The following DNAH12 variants were observed in gnomAD, a reference collection of about 807,000 sequenced individuals.
The protein encoded by DNAH12 is axonemal beta dynein heavy chain 12.
In DNAH12, 285 loss-of-function variants were observed where a neutral mutation model predicts 371.5. The observed-to-expected ratio is 0.77, with a 90% CI of 0.70 to 0.85. The LOEUF is 0.85. Ranked by LOEUF, DNAH12 falls within the 40% of genes least tolerant of loss-of-function variation. DNAH12 has a pLI of 0.00. For synonymous variants in DNAH12, 1,200 were observed against 1,213.0 expected (o/e 0.99, Z 0.22); for missense variants, 3,611 against 3,689.4 (o/e 0.98, Z 0.55).
Position 57,363,752 on chromosome 3 carries a change from G to A in DNAH12, c.9202C>T (p.Leu3068Phe), listed in dbSNP as rs2062988573. 6.6e-6 allele frequency: 1 copy of A among 152,088 alleles called. No homozygotes were observed. The highest frequency in any genetic ancestry group is 1.5e-5 in the Non-Finnish European group (1 of 67,992). 9.4% of individuals were successfully genotyped at this position (152,088 alleles called of 1,614,324 possible). ...TGTTTCTTGTTAGCTGCAGACTGAA[G>A]AATCAGGGCATTTCGTTCCTCTTCT... ...ELEEERNALI[L>F]QSAANKKQLK... The change falls in exon 58 of 74, where the codon CTT becomes TTT. Residue 3068 changes from leucine (L) to phenylalanine (F), a missense_variant. Leu to Phe is a conservative substitution (Grantham distance 22). This residue lies in a region of DNAH12 where 2,266 missense variants were observed against 2,236.9 expected (regional missense o/e 1.01). Transcript: ENST00000495027.
At chr3:57,333,795 A>G (rs2062162720) in intron 62 of DNAH12, among the ~76,000 whole-genome samples, 1 of 152,234 alleles carries the variant, frequency 6.6e-6, no homozygotes, top group South Asian at 2.1e-4. Flanking sequence ...CAACAATGTG[A>G]TATTCACAAT....
chr3:57,441,863 C>T (rs1486126947), intron 29 of DNAH12, among the ~76,000 whole-genome samples: 1 of 151,868 alleles, frequency 6.6e-6, no homozygotes, highest in East Asian at 1.9e-4. Flanking sequence ...ATAGCAAATC[C>T]CAGGCAATAA....
chr3:57,488,681 A>C (rs905336851), intron 12 of DNAH12, among the ~76,000 whole-genome samples: 4 of 152,210 alleles, frequency 2.6e-5, no homozygotes, highest in Non-Finnish European at 5.9e-5. Flanking sequence ...TTTATTGAGT[A>C]CCATGTGCCA....
intron 36 of DNAH12, among the ~76,000 whole-genome samples, chr3:57,420,574 C>CT (rs1248141643): frequency 6.6e-6 from 1 of 152,170 alleles, no homozygotes; most frequent in African/African-American, 2.4e-5. Flanking sequence ...CCTTCACCTT[C>CT]TCTAAGCTGG....
rs572992964 is a variant in DNAH12 at position 57,483,413 on chromosome 3, C to T, written c.1613G>A (p.Arg538Gln). The change falls in exon 13 of 74, where the codon CGG (arginine) becomes CAG (glutamine). Residue 538 changes from arginine (R) to glutamine (Q), a missense_variant. Arg to Gln is a conservative substitution (Grantham distance 43). Around this residue, in one of 3 missense-constraint regions of DNAH12, gnomAD observed 1,314 missense variants for 1,398.7 expected, o/e 0.94. Transcript: ENST00000495027. ...MDLISYVEKARTVGIEELILR... is the reference protein window; with the variant it reads ...MDLISYVEKAQTVGIEELILR... ...AATCAACTCTTCGATTCCTACAGTCCGGGCTTTTTCTACATAAGATATCAG... is the reference window on the plus strand; with the variant it reads ...AATCAACTCTTCGATTCCTACAGTCTGGGCTTTTTCTACATAAGATATCAG... The T allele has an allele frequency of 3.5e-5, 55 of 1,550,748 alleles. No individual in the cohort carries two copies. The highest frequency in any genetic ancestry group is 1.9e-4 in the South Asian group (16 of 83,788).
chr3:57,474,849 GC>G (rs1559698413), intron 13 of DNAH12, among the ~76,000 whole-genome samples: 1 of 151,922 alleles, frequency 6.6e-6, no homozygotes, highest in East Asian at 2.0e-4. Context: ...GGTGGCGCGT[GC>G]CTGTAGTCCC....
Position 57,323,064 on chromosome 3 carries a change from G to C in DNAH12, c.10326C>G (p.Thr3442=). 1.3e-6 allele frequency: 2 copies of C among 1,552,376 alleles called. No homozygotes were observed. Among genetic ancestry groups the C allele is most frequent in the Non-Finnish European group, 1.7e-6 (2 of 1,147,136 alleles). The change falls in exon 64 of 74, where the codon ACC becomes ACG. Residue 3442 remains threonine, a synonymous_variant. Transcript: ENST00000495027. ...TAAAGGATGAGTTACAGGTTTCAGA[G>C]GTAAAATCTTCACATATTTTTTCCA... ...PMLEKICEDF[T]SETCNSSFRL...
intron 38 of DNAH12, among the ~76,000 whole-genome samples, chr3:57,414,342 C>T (rs1013141296): frequency 1.3e-5 from 2 of 152,196 alleles, no homozygotes; most frequent in Non-Finnish European, 2.9e-5. Flanking sequence ...ATATTTTCCT[C>T]ACTGGATAAC....
chr3:57,490,708 G>C (rs2067086945), intron 11 of DNAH12, among the ~76,000 whole-genome samples: 1 of 151,832 alleles, frequency 6.6e-6, no homozygotes, highest in Non-Finnish European at 1.5e-5. Flanking sequence ...GGTGAATTGG[G>C]TTTAAATTTT....
chr3:57,421,782 A>G, intron 35 of DNAH12, 76 bp from the exon 36 acceptor site: 1 of 1,487,286 alleles, frequency 6.7e-7, no homozygotes, highest in Non-Finnish European at 9.2e-7. Context: ...ACCAAAATTC[A>G]ATATATTAGG....
intron 58 of DNAH12, among the ~76,000 whole-genome samples, chr3:57,362,618 T>G (rs1426222703): frequency 6.6e-6 from 1 of 152,242 alleles, no homozygotes; most frequent in Non-Finnish European, 1.5e-5. Flanking sequence ...AGATGGCCAG[T>G]GATGGTGAGC....
At chr3:57,439,076 A>T (rs1021582545) in intron 29 of DNAH12, among the ~76,000 whole-genome samples, 2 of 152,272 alleles carry the variant, frequency 1.3e-5, no homozygotes, top group Non-Finnish European at 2.9e-5. Flanking sequence ...AAATGGAAAA[A>T]CATCCCATGC....
At chr3:57,509,058 G>C in intron 6 of DNAH12, 82 bp downstream of exon 6, 1 of 1,202,024 alleles carries the variant, frequency 8.3e-7, no homozygotes, top group South Asian at 1.4e-5. Context: ...CATCACAATT[G>C]TATACTTGAA....
In DNAH12 at chr3:57,445,278, A is replaced by T. The variant is rs1039496351; in HGVS notation, c.4321T>A (p.Ser1441Thr). 3 of 1,551,390 alleles carry T rather than the reference A, an allele frequency of 1.9e-6. No homozygotes were observed. The highest frequency in any genetic ancestry group is 2.6e-6 in the Non-Finnish European group (3 of 1,146,876). ...MTYRLCSEQL[S>T]SQFHYDYGMR... Reference sequence around the variant, plus strand: ...CCATAGTCGTAATGAAATTGCGATGAGAGCTGCTCTGAGCAAAGCCTATAG... The same window carrying T: ...CCATAGTCGTAATGAAATTGCGATGTGAGCTGCTCTGAGCAAAGCCTATAG... Residue 1441 changes from serine to threonine, a missense_variant, in exon 28 of 74, where the codon TCA becomes ACA. Ser to Thr is a moderately conservative substitution (Grantham distance 58). Around this residue, in one of 3 missense-constraint regions of DNAH12, gnomAD observed 2,266 missense variants for 2,236.9 expected, o/e 1.01. Coordinates refer to ENST00000495027, the MANE Select transcript of DNAH12 (RefSeq NM_001366028.2).
chr3:57,443,597 CATG>C (rs757252185), intron 29 of DNAH12, among the ~76,000 whole-genome samples: 43 of 151,902 alleles, frequency 2.8e-4, no homozygotes, highest in Middle Eastern at 3.4e-3. Context: ...TAAGGTGCAA[CATG>C]ATGATTTGAT....
At chr3:57,395,432 C>A (rs1357238009) in intron 43 of DNAH12, among the ~76,000 whole-genome samples, 1 of 152,082 alleles carries the variant, frequency 6.6e-6, no homozygotes, top group Non-Finnish European at 1.5e-5. Context: ...TATTTTAAAT[C>A]ATTAAATATT....
chr3:57,508,422 T>C lies in DNAH12; in HGVS notation c.661A>G (p.Thr221Ala), dbSNP rs1439929160. Reference protein sequence around the residue: ...MKMLLDLGYTTFADTVLLDFT... With the variant: ...MKMLLDLGYTAFADTVLLDFT... The stretch of plus-strand genomic sequence containing the variant: ...TCCAACAAAACTGTATCAGCAAATG[T>C]TGTATAACCAAGGTCCAGTAACATT... The change falls in exon 7 of 74, where the codon ACA becomes GCA. Residue 221 changes from threonine (T) to alanine (A), a missense_variant. Coordinates refer to ENST00000495027, the MANE Select transcript of DNAH12 (RefSeq NM_001366028.2). 6.2e-7 allele frequency: 1 copy of C among 1,609,256 alleles called. No individual in the cohort carries two copies. Among genetic ancestry groups the C allele is most frequent in the Admixed American group, 1.7e-5 (1 of 58,694 alleles).
chr3:57,453,391 ACTT>A lies in DNAH12; in HGVS notation c.3466_3468del (p.Lys1156del). On this transcript the variant is annotated inframe_deletion, in exon 24 of 74. Transcript: ENST00000495027. ...AGTTGGTTCTGAAGTTCCTTATAAT[ACTT>A]CTTTAATCCCTACAAAATAAAAAAA... The A allele has an allele frequency of 6.5e-7, 1 of 1,541,804 alleles. No individual in the cohort carries two copies. Among genetic ancestry groups the A allele is most frequent in the Non-Finnish European group, 8.7e-7 (1 of 1,144,216 alleles).
chr3:57,422,772 C>A (rs1279586359), intron 35 of DNAH12, among the ~76,000 whole-genome samples: 2 of 152,182 alleles, frequency 1.3e-5, no homozygotes, highest in Non-Finnish European at 2.9e-5. Context: ...ATATTCACTG[C>A]AGCACTATTT....
Sources: gnomAD v4.1 joint callset for allele counts (sites outside exome capture counted in the v4.1 genomes callset) on GRCh38, gnomAD v4.1.1 for gene constraint, gnomAD v4.1.1 regional missense constraint, MANE v1.5 for transcripts, NCBI Gene and HGNC (gene_info 2026-07-23, HGNC 2026-07-21) for gene names.